PIP4K2A: variants seen among roughly 807,000 people sequenced by gnomAD.
PIP4K2A encodes the protein phosphatidylinositol 5-phosphate 4-kinase type-2 alpha.
Under a neutral mutation model 42.9 loss-of-function variants are expected in PIP4K2A, and 14 were observed. The ratio of observed to expected loss-of-function variants is 0.33; its 90% CI spans 0.22 to 0.51. PIP4K2A has a LOEUF of 0.51. PIP4K2A is among the 20% of genes least tolerant of loss of function. The pLI is 0.97. For synonymous variants in PIP4K2A, 192 were observed against 192.2 expected (o/e 1.00, Z 0.01); for missense variants, 434 against 519.8 (o/e 0.83, Z 1.61).
chr10:22,555,494 G>T (rs1482665046), intron 6 of PIP4K2A, among the ~76,000 whole-genome samples: 1 of 152,182 alleles, frequency 6.6e-6, no homozygotes, highest in Non-Finnish European at 1.5e-5. Context: ...TCCAGAGCAA[G>T]ATTTTTCTTT....
At chr10:22,689,448 C>T (rs1839819601) in intron 1 of PIP4K2A, among the ~76,000 whole-genome samples, 1 of 152,086 alleles carries the variant, frequency 6.6e-6, no homozygotes, top group African/African-American at 2.4e-5. Context: ...CATGTACAGA[C>T]TTTTTTTCGT....
At chr10:22,595,585 G>A (rs1026968631) in intron 3 of PIP4K2A, among the ~76,000 whole-genome samples, 9 of 151,818 alleles carry the variant, frequency 5.9e-5, no homozygotes, top group Admixed American at 2.0e-4. Flanking sequence ...GGTGAAACCC[G>A]GTCTCCACTA....
intron 5 of PIP4K2A, among the ~76,000 whole-genome samples, chr10:22,569,928 T>C (rs1284489726): frequency 6.6e-6 from 1 of 152,092 alleles, no homozygotes; most frequent in East Asian, 1.9e-4. Flanking sequence ...AGAACAGAGT[T>C]TATCTATGCC....
At chr10:22,638,649 A>G (rs1192398129) in intron 1 of PIP4K2A, among the ~76,000 whole-genome samples, 2 of 152,172 alleles carry the variant, frequency 1.3e-5, no homozygotes, top group Non-Finnish European at 2.9e-5. Flanking sequence ...GTGAACAGGG[A>G]TCAATTTTTG....
At chr10:22,615,184 G>A (rs1838146723) in intron 1 of PIP4K2A, among the ~76,000 whole-genome samples, 2 of 152,088 alleles carry the variant, frequency 1.3e-5, no homozygotes, top group South Asian at 4.1e-4. Context: ...ATGGCCAACT[G>A]CAGTCTTGAA....
chr10:22,649,849 A>G (rs1838956831), intron 1 of PIP4K2A, among the ~76,000 whole-genome samples: 1 of 152,228 alleles, frequency 6.6e-6, no homozygotes, highest in Admixed American at 6.5e-5. Context: ...TTCATTCTTC[A>G]GCAAACGATA....
intron 1 of PIP4K2A, among the ~76,000 whole-genome samples, chr10:22,627,088 T>TA (rs11423153): frequency 0.16 from 24,318 of 151,770 alleles, 2,543 homozygotes; most frequent in African/African-American, 0.3. Context: ...CTATCAACTA[T>TA]AAAAAAAAGA....
intron 3 of PIP4K2A, among the ~76,000 whole-genome samples, chr10:22,598,652 G>C (rs1187132234): frequency 2.6e-5 from 4 of 152,128 alleles, no homozygotes; most frequent in African/African-American, 7.2e-5. Flanking sequence ...CATCTCAACA[G>C]CAATGGGCTG....
At chr10:22,631,097 G>A (rs1056763184) in intron 1 of PIP4K2A, among the ~76,000 whole-genome samples, 3 of 152,164 alleles carry the variant, frequency 2.0e-5, no homozygotes, top group Non-Finnish European at 4.4e-5. Flanking sequence ...AGGATACGAC[G>A]TTCAGTTTTA....
chr10:22,698,797 G>A (rs1177234086), intron 1 of PIP4K2A, among the ~76,000 whole-genome samples: 1 of 152,206 alleles, frequency 6.6e-6, no homozygotes, highest in Admixed American at 6.5e-5. Context: ...CTGGTTGCTT[G>A]ATAGAATGGT....
At chr10:22,570,193 G>A (rs1036065088) in intron 5 of PIP4K2A, among the ~76,000 whole-genome samples, 5 of 152,102 alleles carry the variant, frequency 3.3e-5, no homozygotes, top group South Asian at 4.1e-4. Flanking sequence ...CATGCCTCAC[G>A]CTGGACACAA....
chr10:22,573,720 A>G (rs534109223), intron 4 of PIP4K2A, among the ~76,000 whole-genome samples: 44 of 152,352 alleles, frequency 2.9e-4, no homozygotes, highest in Middle Eastern at 3.4e-3. Context: ...CAAACCTTGG[A>G]TATGATCGTG....
chr10:22,649,498 G>A lies in PIP4K2A; in HGVS notation c.145-39781C>T, dbSNP rs568121947. On this transcript the variant is annotated intron_variant, in intron 1 of 9. Coordinates refer to ENST00000376573, the MANE Select transcript of PIP4K2A (RefSeq NM_005028.5). ...TCCACCTAAGCGCCAAGTTGCACCC[G>A]GCACAGTGCAAGGGGCCAAGACCAG... Among the ~76,000 whole-genome samples, 102 of 152,220 alleles carry A rather than the reference G, an allele frequency of 6.7e-4. No individual in the cohort carries two copies. In the South Asian group the frequency reaches 0.02, roughly 30 times the overall value.
chr10:22,672,097 C>CT (rs748733365), intron 1 of PIP4K2A, among the ~76,000 whole-genome samples: 1 of 152,114 alleles, frequency 6.6e-6, no homozygotes, highest in Non-Finnish European at 1.5e-5. Flanking sequence ...TCCAAAGACT[C>CT]TTTGTAATTC....
At chr10:22,635,607 A>T (rs1373783003) in intron 1 of PIP4K2A, among the ~76,000 whole-genome samples, 3 of 152,184 alleles carry the variant, frequency 2.0e-5, no homozygotes, top group Non-Finnish European at 4.4e-5. Context: ...CACCCAGAAA[A>T]TGGCTGAAGA....
At chr10:22,703,275 G>A (rs1016397230) in intron 1 of PIP4K2A, among the ~76,000 whole-genome samples, 1 of 152,084 alleles carries the variant, frequency 6.6e-6, no homozygotes, top group Non-Finnish European at 1.5e-5. Flanking sequence ...CAGGCATGGT[G>A]GTGCACACCT....
intron 1 of PIP4K2A, among the ~76,000 whole-genome samples, chr10:22,651,709 T>C (rs977651899): frequency 2.0e-5 from 3 of 152,198 alleles, no homozygotes; most frequent in African/African-American, 7.2e-5. Flanking sequence ...TCCCGGACAG[T>C]GGAACCGGTG....
chr10:22,663,419 T>C (rs1839246532), intron 1 of PIP4K2A, among the ~76,000 whole-genome samples: 1 of 152,226 alleles, frequency 6.6e-6, no homozygotes, highest in African/African-American at 2.4e-5. Context: ...GTTGGTTGTT[T>C]GGCTTTTTCT....
chr10:22,630,659 T>C (rs192426708), intron 1 of PIP4K2A, among the ~76,000 whole-genome samples: 4 of 152,346 alleles, frequency 2.6e-5, no homozygotes, highest in African/African-American at 9.6e-5. Context: ...TTAGCAAATA[T>C]ATGATTATCA....
Sources: gnomAD v4.1 joint callset for allele counts (sites outside exome capture counted in the v4.1 genomes callset) on GRCh38, gnomAD v4.1.1 for gene constraint, MANE v1.5 for transcripts, NCBI Gene and HGNC (gene_info 2026-07-23, HGNC 2026-07-21) for gene names.